The following ZNF438 variants were observed in gnomAD, a reference collection of about 807,000 sequenced individuals.
ZNF438 encodes zinc finger protein 438.
In ZNF438, 25 loss-of-function variants were observed where a neutral mutation model predicts 38.0. The ratio of observed to expected loss-of-function variants is 0.66; its 90% CI spans 0.48 to 0.92. The LOEUF (loss-of-function observed/expected upper bound fraction) is 0.92. Ranked by LOEUF, ZNF438 falls within the 40% of genes least tolerant of loss-of-function variation. The probability of loss-of-function intolerance (pLI) is 0.00; values close to 1 mark genes in which losing one functional copy is unlikely to be tolerated. For synonymous variants in ZNF438, 372 were observed against 364.1 expected (o/e 1.02, Z -0.25); for missense variants, 1,007 against 999.6 (o/e 1.01, Z -0.10).
At chr10:31,018,907 T>C (rs1294010581) in intron 1 of ZNF438, among the ~76,000 whole-genome samples, 1 of 152,172 alleles carries the variant, frequency 6.6e-6, no homozygotes, top group Admixed American at 6.5e-5. Flanking sequence ...GCACCTTATA[T>C]TTACAAAGAT....
intron 3 of ZNF438, among the ~76,000 whole-genome samples, chr10:30,877,943 A>G (rs531414087): frequency 6.6e-6 from 1 of 152,366 alleles, no homozygotes; most frequent in East Asian, 1.9e-4. Context: ...CATGATTCCT[A>G]CTTCTAGCCA....
chr10:31,023,200 AC>A, intron 1 of ZNF438, among the ~76,000 whole-genome samples: 1 of 152,228 alleles, frequency 6.6e-6, no homozygotes, highest in East Asian at 1.9e-4. Flanking sequence ...TTTCCAAGTA[AC>A]ATTCAAAAAG....
At chr10:30,854,187 G>T (rs563484125) in intron 4 of ZNF438, among the ~76,000 whole-genome samples, 2 of 152,288 alleles carry the variant, frequency 1.3e-5, no homozygotes, top group East Asian at 3.9e-4. Flanking sequence ...GGGCGTGGTG[G>T]TGGGCGCCTG....
At chr10:30,857,639 G>T in intron 4 of ZNF438, 1 of 1,423,646 alleles carries the variant, frequency 7.0e-7, no homozygotes, top group Non-Finnish European at 9.6e-7. Context: ...ATAGTCATTT[G>T]AAAGCAAAAG....
rs1173379655 is a variant in ZNF438 at position 30,894,229 on chromosome 10, A to G, written c.-32+14704T>C. ...ACTATTTATTTAAACCCAAAAGAAAATAAAAAGGGAAAATATCTCAGTAGC... is the reference window on the plus strand; with the variant it reads ...ACTATTTATTTAAACCCAAAAGAAAGTAAAAAGGGAAAATATCTCAGTAGC... On this transcript the variant is annotated intron_variant, in intron 3 of 5. Coordinates refer to ENST00000413025, the Ensembl canonical transcript of ZNF438. Among the ~76,000 whole-genome samples the G allele has an allele frequency of 2.0e-5, 3 of 152,368 alleles. No homozygotes were observed. The South Asian group carries it at 6.2e-4, about 32-fold the overall frequency.
intron 1 of ZNF438, among the ~76,000 whole-genome samples, chr10:30,963,153 A>G (rs2049691991): frequency 6.6e-6 from 1 of 152,178 alleles, no homozygotes; most frequent in Admixed American, 6.5e-5. Context: ...GCACTTTGGG[A>G]GGCCAAGGTG....
chr10:30,993,283 T>C (rs1018670746), intron 1 of ZNF438, among the ~76,000 whole-genome samples: 1 of 152,186 alleles, frequency 6.6e-6, no homozygotes, highest in Non-Finnish European at 1.5e-5. Context: ...CCCAGAGGCC[T>C]AGGAGTGCAG....
chr10:31,009,082 C>T (rs956778788), intron 1 of ZNF438, among the ~76,000 whole-genome samples: 9 of 152,144 alleles, frequency 5.9e-5, no homozygotes, highest in South Asian at 2.1e-4. Context: ...TATTTAGATC[C>T]GTTGCCCATT....
At chr10:30,975,143 CT>C (rs1370977461) in intron 1 of ZNF438, among the ~76,000 whole-genome samples, 1 of 152,156 alleles carries the variant, frequency 6.6e-6, no homozygotes, top group Non-Finnish European at 1.5e-5. Context: ...AATATTACCC[CT>C]AGCAACTGCT....
At chr10:30,971,247 G>A (rs771592391) in intron 1 of ZNF438, among the ~76,000 whole-genome samples, 7 of 152,114 alleles carry the variant, frequency 4.6e-5, no homozygotes, top group Admixed American at 1.3e-4. Context: ...TAAGCATCCC[G>A]CCTAGCTCAT....
chr10:30,874,108 G>GTATATA (rs2037958944), intron 4 of ZNF438, among the ~76,000 whole-genome samples: 1 of 108,278 alleles, frequency 9.2e-6, no homozygotes, highest in African/African-American at 3.9e-5. Flanking sequence ...GTGGGGGTGT[G>GTATATA]TGTGTGTATA....
rs956787948 is a variant in ZNF438 at position 30,936,860 on chromosome 10, C to G, written c.-115+4715G>C. On this transcript the variant is annotated intron_variant, in intron 2 of 5. Transcript: ENST00000413025. ...TTAAAAGGAGGCAGGTCACGTCAAA[C>G]CTTTATGCTTTGAACTTATTCTCTG... Among the ~76,000 whole-genome samples, 3 of 152,060 alleles carry G rather than the reference C, an allele frequency of 2.0e-5. No individual in the cohort carries two copies. In the East Asian group the frequency reaches 5.8e-4, roughly 29 times the overall value.
chr10:30,855,180 A>C (rs2034401898), intron 4 of ZNF438, among the ~76,000 whole-genome samples: 1 of 152,230 alleles, frequency 6.6e-6, no homozygotes, highest in Admixed American at 6.5e-5. Context: ...AAGGAAAAGG[A>C]GGCCACTGTG....
At chr10:31,026,331 A>C (rs1564366649) in intron 1 of ZNF438, among the ~76,000 whole-genome samples, 2 of 152,258 alleles carry the variant, frequency 1.3e-5, no homozygotes, top group South Asian at 4.1e-4. Flanking sequence ...AAATTTTTGC[A>C]ATCTACCCAT....
chr10:30,866,122 T>A (rs1313353786), intron 4 of ZNF438, among the ~76,000 whole-genome samples: 1 of 152,150 alleles, frequency 6.6e-6, no homozygotes, highest in African/African-American at 2.4e-5. Context: ...AAAATTTTAG[T>A]TTTATAAAAT....
intron 2 of ZNF438, among the ~76,000 whole-genome samples, chr10:30,915,547 G>A (rs1364836112): frequency 6.6e-6 from 1 of 151,746 alleles, no homozygotes; most frequent in Non-Finnish European, 1.5e-5. Flanking sequence ...ACAAATGTAG[G>A]ACTATATAGG....
intron 1 of ZNF438, among the ~76,000 whole-genome samples, chr10:30,944,523 A>C (rs1474532588): frequency 6.6e-6 from 1 of 152,186 alleles, no homozygotes. Context: ...TTGAGGGGAG[A>C]ACTCGCCAGC....
rs58422289 is a variant in ZNF438, at chr10:30,874,114, GTATATATATATATATATATA to G, written c.37+2864_37+2883del. Among the ~76,000 whole-genome samples the G allele has an allele frequency of 1.9e-3, 151 of 80,300 alleles. 2 individuals are homozygous for G. In the South Asian group the frequency reaches 0.042, roughly 22 times the overall value. The allele number at this position is 80,300 out of a possible 152,430, so 52.7% of individuals were successfully genotyped here. A position where few individuals can be genotyped will look rare whatever the true frequency, so the allele number is the denominator to read the frequency against. On this transcript the variant is annotated intron_variant, in intron 4 of 5. Coordinates refer to ENST00000413025, the Ensembl canonical transcript of ZNF438. ...TGTGGGTGTGTGGGGGTGTGTGTGT[GTATATATATATATATATATA>G]TATATATATATATATATATATATAT...
At chr10:30,923,569 A>T (rs1291229563) in intron 2 of ZNF438, among the ~76,000 whole-genome samples, 1 of 152,206 alleles carries the variant, frequency 6.6e-6, no homozygotes, top group Non-Finnish European at 1.5e-5. Context: ...GAAAGCTGTT[A>T]CGCGCACCCT....
Sources: gnomAD v4.1 joint callset for allele counts (sites outside exome capture counted in the v4.1 genomes callset) on GRCh38, gnomAD v4.1.1 for gene constraint, MANE v1.5 for transcripts, NCBI Gene and HGNC (gene_info 2026-07-23, HGNC 2026-07-21) for gene names.